The following CNTNAP2 variants were observed in gnomAD, a reference collection of about 807,000 sequenced individuals.
The protein encoded by CNTNAP2 is contactin associated protein 2, also known as contactin-associated protein-like 2.
CNTNAP2 carries 98 observed loss-of-function variants against 155.2 expected under a neutral mutation model. The ratio of observed to expected loss-of-function variants is 0.63; its 90% CI spans 0.54 to 0.75. CNTNAP2 has a LOEUF of 0.75. CNTNAP2 is among the 30% of genes least tolerant of loss of function. The pLI, the probability that CNTNAP2 is intolerant of heterozygous loss-of-function variation, is 0.00. For missense variants in CNTNAP2, 1,727 were observed against 1,688.1 expected, an observed-to-expected ratio of 1.02 and a Z score of -0.40; for synonymous variants, 651 against 631.2, an observed-to-expected ratio of 1.03 and a Z score of -0.47.
chr7:147,155,650 C>T (rs1801910042), intron 8 of CNTNAP2, among the ~76,000 whole-genome samples: 1 of 152,054 alleles, frequency 6.6e-6, no homozygotes. Flanking sequence ...CACAATTAAG[C>T]ATAATATATG....
intron 1 of CNTNAP2, among the ~76,000 whole-genome samples, chr7:146,675,650 G>A (rs1800385582): frequency 6.6e-6 from 1 of 152,124 alleles, no homozygotes; most frequent in African/African-American, 2.4e-5. Context: ...ACTTTAAGTG[G>A]TTCAAGAGCT....
chr7:148,333,222 G>C (rs1214247013), intron 21 of CNTNAP2, among the ~76,000 whole-genome samples: 1 of 152,202 alleles, frequency 6.6e-6, no homozygotes, highest in Non-Finnish European at 1.5e-5. Context: ...GAGGTCAGGA[G>C]TTCGAGACCA....
chr7:146,169,727 T>C (rs564954191), intron 1 of CNTNAP2, among the ~76,000 whole-genome samples: 28 of 151,698 alleles, frequency 1.8e-4, no homozygotes, highest in Non-Finnish European at 3.2e-4. Context: ...TATTTGTCTT[T>C]CCATGTCTGG....
intron 13 of CNTNAP2, among the ~76,000 whole-genome samples, chr7:147,669,903 G>T (rs374671846): frequency 6.6e-6 from 1 of 151,974 alleles, no homozygotes; most frequent in Non-Finnish European, 1.5e-5. Flanking sequence ...ACTAACACCC[G>T]TCATCTGTTT....
intron 18 of CNTNAP2, chr7:148,189,930 G>A (rs1213839887): frequency 6.6e-6 from 1 of 152,188 alleles, no homozygotes; most frequent in Non-Finnish European, 1.5e-5. Context: ...AAGATTTAGT[G>A]TCTGGAGGGG....
chr7:147,194,400 A>T (rs895952171), intron 8 of CNTNAP2, among the ~76,000 whole-genome samples: 3 of 152,168 alleles, frequency 2.0e-5, no homozygotes, highest in Admixed American at 6.5e-5. Context: ...ATACGTGGGC[A>T]TGTGTCTTTA....
At position 146,531,392 on chromosome 7, in the gene CNTNAP2, C is replaced by T. The variant is rs1045893988; in HGVS notation, c.98-242879C>T. On this transcript the variant is annotated intron_variant, in intron 1 of 23. Transcript: ENST00000361727. The stretch of plus-strand genomic sequence containing the variant: ...CTAAAATAAAAGTTAAAAAATAAAG[C>T]TGTCTTCCAAAGGAAACCTATGGAA... Among the ~76,000 whole-genome samples, 19 of 152,084 alleles carry T rather than the reference C, an allele frequency of 1.2e-4. No individual in the cohort carries two copies. In the East Asian group the frequency reaches 1.4e-3, roughly 11 times the overall value.
rs765851581 is a variant in CNTNAP2 at position 147,121,047 on chromosome 7, C to A, written c.823C>A (p.His275Asn). 6.2e-7 allele frequency: 1 copy of A among 1,614,094 alleles called. No homozygotes were observed. Among genetic ancestry groups the A allele is most frequent in the East Asian group, 2.2e-5 (1 of 44,880 alleles). The change falls in exon 6 of 24, where the codon CAC becomes AAC. Residue 275 changes from histidine to asparagine, a missense_variant. Physicochemically the swap from His to Asn is moderately conservative, Grantham distance 68 (BLOSUM62 1). Coordinates refer to ENST00000361727, the MANE Select transcript of CNTNAP2 (RefSeq NM_014141.6). The part of the protein sequence containing the change: ...VMTGSLLDDH[H>N]WHSVVIERQG... ...GACAGGAAGTTTGCTGGATGACCAC[C>A]ACTGGCACTCTGTGGTCATTGAGCG...
intron 1 of CNTNAP2, among the ~76,000 whole-genome samples, chr7:146,481,296 G>A (rs1323386177): frequency 1.3e-5 from 2 of 152,174 alleles, no homozygotes; most frequent in Non-Finnish European, 2.9e-5. Context: ...TAGAAGAAAT[G>A]TTTGGGTAAT....
At chr7:147,165,209 T>C (rs1485468646) in intron 8 of CNTNAP2, among the ~76,000 whole-genome samples, 1 of 152,014 alleles carries the variant, frequency 6.6e-6, no homozygotes, top group Non-Finnish European at 1.5e-5. Context: ...AGTAAGGGGG[T>C]ATTGCATTGT....
At chr7:147,831,497 G>A (rs12532085) in intron 13 of CNTNAP2, among the ~76,000 whole-genome samples, 1,675 of 152,236 alleles carry the variant, frequency 0.011, 92 homozygotes, top group Admixed American at 0.09. Flanking sequence ...GGTGGCAGTC[G>A]TGATGTCACA....
chr7:146,883,140 A>T (rs1334445463), intron 3 of CNTNAP2, among the ~76,000 whole-genome samples: 1 of 152,200 alleles, frequency 6.6e-6, no homozygotes, highest in Non-Finnish European at 1.5e-5. Flanking sequence ...TATAGTTCTA[A>T]ATAACTAATG....
chr7:147,853,094 C>A (rs180927411), intron 13 of CNTNAP2, among the ~76,000 whole-genome samples: 1 of 152,274 alleles, frequency 6.6e-6, no homozygotes, highest in Admixed American at 6.5e-5. Context: ...GTGCTACTCC[C>A]ACCTTTTCTT....
intron 3 of CNTNAP2, among the ~76,000 whole-genome samples, chr7:147,022,580 A>G (rs1584788316): frequency 6.6e-6 from 1 of 151,248 alleles, no homozygotes; most frequent in South Asian, 2.1e-4. Flanking sequence ...ATGTATATGT[A>G]CTATATATAC....
chr7:148,098,984 G>A (rs867395377), intron 15 of CNTNAP2, among the ~76,000 whole-genome samples: 5 of 152,284 alleles, frequency 3.3e-5, no homozygotes, highest in Non-Finnish European at 4.4e-5. Flanking sequence ...TGTCCCCTAG[G>A]AATGTCTTAA....
intron 15 of CNTNAP2, among the ~76,000 whole-genome samples, chr7:148,012,226 C>T (rs1802094337): frequency 6.6e-6 from 1 of 152,242 alleles, no homozygotes; most frequent in South Asian, 2.1e-4. Context: ...AACCCTTCCC[C>T]TTCTTTTTCT....
intron 1 of CNTNAP2, among the ~76,000 whole-genome samples, chr7:146,464,377 C>T (rs1043456791): frequency 6.6e-6 from 1 of 151,846 alleles, no homozygotes; most frequent in Non-Finnish European, 1.5e-5. Context: ...AAGAAATCTA[C>T]GTAACAGATC....
intron 1 of CNTNAP2, among the ~76,000 whole-genome samples, chr7:146,563,749 G>A (rs1798315926): frequency 6.6e-6 from 1 of 152,026 alleles, no homozygotes; most frequent in Non-Finnish European, 1.5e-5. Context: ...GCTTATAGAG[G>A]TTACACCACT....
chr7:148,207,322 C>T (rs542640265), intron 18 of CNTNAP2, among the ~76,000 whole-genome samples: 1 of 152,200 alleles, frequency 6.6e-6, no homozygotes, highest in African/African-American at 2.4e-5. Flanking sequence ...GGGAACAGCC[C>T]GCCTCTTAGG....
Sources: allele counts gnomAD v4.1 joint callset (sites outside exome capture counted in the v4.1 genomes callset), GRCh38; gene constraint gnomAD v4.1.1; transcripts MANE v1.5; gene names NCBI Gene and HGNC (gene_info 2026-07-23, HGNC 2026-07-21).